Variants in SCAND3 observed in about 807,000 individuals in gnomAD.
The protein encoded by SCAND3 is SCAN domain containing 3.
the SCAND3 span, among the ~76,000 whole-genome samples, chr6:28,595,195 C>CAAAAAAA: frequency 5.0e-4 from 8 of 16,118 alleles, 2 homozygotes; most frequent in African/African-American, 1.3e-3. Flanking sequence ...CCGTCACTAC[C>CAAAAAAA]AAAAAAAAAA....
At chr6:28,578,146 C>G in the SCAND3 span, among the ~76,000 whole-genome samples, 1 of 152,156 alleles carries the variant, frequency 6.6e-6, no homozygotes, top group Admixed American at 6.6e-5. Flanking sequence ...TAATGAACTA[C>G]TAAATTTAAA....
At chr6:28,609,021 C>T in the SCAND3 span, among the ~76,000 whole-genome samples, 3 of 151,832 alleles carry the variant, frequency 2.0e-5, no homozygotes, top group South Asian at 2.1e-4. Flanking sequence ...GGGGGGAGGG[C>T]GCTGTTCATG....
At chr6:28,598,012 T>C in the SCAND3 span, 1 of 152,136 alleles carries the variant, frequency 6.6e-6, no homozygotes, top group African/African-American at 2.4e-5. Context: ...GGAAAAAAGG[T>C]AGAAAGACTC....
At chr6:28,594,425 C>T in the SCAND3 span, among the ~76,000 whole-genome samples, 6 of 152,110 alleles carry the variant, frequency 3.9e-5, no homozygotes, top group South Asian at 2.1e-4. Flanking sequence ...GAGGCCGAGG[C>T]GGGTGGATCA....
the SCAND3 span, among the ~76,000 whole-genome samples, chr6:28,600,423 A>G: frequency 2.0e-5 from 3 of 152,204 alleles, no homozygotes; most frequent in African/African-American, 7.2e-5. Flanking sequence ...ACTTGAGGCC[A>G]GGAGTTCGAG....
At chr6:28,573,884 A>T in the SCAND3 span, 14 of 1,442,188 alleles carry the variant, frequency 9.7e-6, no homozygotes, top group Non-Finnish European at 1.3e-5. Context: ...TTCAGCTAAC[A>T]GTGTTATACC....
At chr6:28,608,617 G>C in the SCAND3 span, among the ~76,000 whole-genome samples, 1 of 152,194 alleles carries the variant, frequency 6.6e-6, no homozygotes, top group Admixed American at 6.5e-5. Flanking sequence ...TGAGAGGAAA[G>C]AAACCAGTTT....
the SCAND3 span, chr6:28,576,122 AC>A: frequency 6.4e-7 from 1 of 1,570,218 alleles, no homozygotes; most frequent in South Asian, 1.2e-5. Context: ...ATCATGGAAA[AC>A]CACAAAAATG....
the SCAND3 span, chr6:28,587,046 G>T: frequency 3.3e-6 from 1 of 299,052 alleles, no homozygotes; most frequent in African/African-American, 2.2e-5. Flanking sequence ...GGATACTTTG[G>T]CCCTAAATAA....
At chr6:28,590,530 G>A in the SCAND3 span, 1 of 152,254 alleles carries the variant, frequency 6.6e-6, no homozygotes, top group Non-Finnish European at 1.5e-5. Flanking sequence ...CAAGGTGAGG[G>A]AAAGGTGTGC....
At chr6:28,576,934 C>T in the SCAND3 span, among the ~76,000 whole-genome samples, 1 of 151,502 alleles carries the variant, frequency 6.6e-6, no homozygotes, top group African/African-American at 2.4e-5. Context: ...TTGGAGGAAC[C>T]TCAGCAAGAC....
chr6:28,585,142 T>C, the SCAND3 span: 2 of 152,240 alleles, frequency 1.3e-5, no homozygotes, highest in Admixed American at 1.3e-4. Flanking sequence ...TACTCCTTTA[T>C]GCCAGTTGCA....
At chr6:28,576,814 G>A in the SCAND3 span, among the ~76,000 whole-genome samples, 4 of 144,920 alleles carry the variant, frequency 2.8e-5, no homozygotes, top group Non-Finnish European at 6.0e-5. Flanking sequence ...GTTTCACTGT[G>A]TTAGCCAGGA....
the SCAND3 span, among the ~76,000 whole-genome samples, chr6:28,602,956 ATTTTTT>A: frequency 1.7e-4 from 16 of 94,454 alleles, no homozygotes; most frequent in South Asian, 1.3e-3. Context: ...CCAAAAAAAA[ATTTTTT>A]TTTTTTTTTT....
the SCAND3 span, among the ~76,000 whole-genome samples, chr6:28,596,763 A>G: frequency 4.6e-5 from 7 of 152,306 alleles, no homozygotes; most frequent in East Asian, 1.3e-3. Context: ...CAGCTTTGTC[A>G]CATCTCTAAG....
the SCAND3 span, among the ~76,000 whole-genome samples, chr6:28,578,046 C>T: frequency 1.3e-5 from 2 of 152,192 alleles, no homozygotes; most frequent in Admixed American, 1.3e-4. Flanking sequence ...TTGCTTGACA[C>T]TCTGCAAATA....
the SCAND3 span, among the ~76,000 whole-genome samples, chr6:28,611,095 C>A: frequency 6.6e-6 from 1 of 152,178 alleles, no homozygotes; most frequent in Non-Finnish European, 1.5e-5. Context: ...TGCACATACA[C>A]CAATGGCTAT....
the SCAND3 span, among the ~76,000 whole-genome samples, chr6:28,601,146 C>G: frequency 6.6e-6 from 1 of 152,124 alleles, no homozygotes; most frequent in Non-Finnish European, 1.5e-5. Context: ...ACCTCCTGAT[C>G]CGCCCACCTC....
the SCAND3 span, among the ~76,000 whole-genome samples, chr6:28,583,402 C>CAAACA: frequency 1.0e-5 from 1 of 98,528 alleles, no homozygotes; most frequent in East Asian, 4.5e-4. Flanking sequence ...AACAAACAAA[C>CAAACA]AACAACAACA....
Sources: gnomAD v4.1 joint callset for allele counts (sites outside exome capture counted in the v4.1 genomes callset) on GRCh38, gnomAD v4.1.1 for gene constraint, MANE v1.5 for transcripts, NCBI Gene and HGNC (gene_info 2026-07-23, HGNC 2026-07-21) for gene names.